Variants in SCIMP observed in about 807,000 individuals in gnomAD.
SCIMP encodes SLP adaptor and CSK interacting membrane protein.
Under a neutral mutation model 22.0 loss-of-function variants are expected in SCIMP, and 18 were observed. The observed-to-expected ratio is 0.82, with a 90% CI of 0.56 to 1.21. The LOEUF (loss-of-function observed/expected upper bound fraction) is 1.21, where lower values mean the gene tolerates loss of function less well. Among genes scored for constraint, SCIMP ranks in the 50% most tolerant of loss-of-function variants. The pLI is 0.00. For synonymous variants in SCIMP, 53 were observed against 62.2 expected (o/e 0.85, Z 0.70); for missense variants, 155 against 171.2 (o/e 0.91, Z 0.53).
At chr17:5,213,029 G>GGTGGTAACTTCTGAT in intron 4 of SCIMP, 3 of 306,454 alleles carry the variant, frequency 9.8e-6, no homozygotes, top group Non-Finnish European at 1.2e-5. Flanking sequence ...TAACTTCTGA[G>GGTGGTAACTTCTGAT]CTGACATCTG....
At chr17:5,211,986 T>G (rs2144301284) in intron 4 of SCIMP, among the ~76,000 whole-genome samples, 1 of 151,768 alleles carries the variant, frequency 6.6e-6, no homozygotes, top group Non-Finnish European at 1.5e-5. Context: ...TGGCAGAGGT[T>G]GCAGTGAGCC....
chr17:5,214,583 A>G (rs7503142), intron 4 of SCIMP: 195,606 of 196,370 alleles, frequency 1, 97,422 homozygotes, highest in East Asian at 1. Context: ...GCTCACGCTT[A>G]TAATCCCAGC....
chr17:5,213,259 CTTTT>C (rs11409123), intron 4 of SCIMP: 69 of 883,448 alleles, frequency 7.8e-5, no homozygotes, highest in South Asian at 1.0e-4. Flanking sequence ...TTTTCCATCC[CTTTT>C]TTTTTTTTTT....
intron 1 of SCIMP, among the ~76,000 whole-genome samples, chr17:5,230,195 A>G (rs1204450526): frequency 2.0e-5 from 3 of 152,184 alleles, no homozygotes; most frequent in Non-Finnish European, 2.9e-5. Context: ...GTCTCCTTGC[A>G]GGCTTCTGAA....
intron 1 of SCIMP, among the ~76,000 whole-genome samples, chr17:5,230,687 G>A (rs142154038): frequency 0.028 from 4,296 of 151,376 alleles, 201 homozygotes; most frequent in African/African-American, 0.096. Flanking sequence ...TTGGGAGGCC[G>A]AGGCTGGAGG....
In SCIMP at chr17:5,214,936, A is replaced by G; in HGVS notation, c.272T>C (p.Leu91Pro). The change falls in exon 4 of 5, where the codon CTA becomes CCA. Residue 91 changes from leucine (L) to proline (P), a missense_variant. Leu to Pro is a moderately conservative substitution (Grantham distance 98). Coordinates refer to ENST00000574081, the MANE Select transcript of SCIMP (RefSeq NM_207103.3). ...PPLPPRNWPS[L>P]EDSSPQEAPS... ...TAAAATATACTTACAAGAGTCTTCT[A>G]GAGAAGGCCAATTCCTCGGTGGCAG... 2 of 1,598,176 alleles carry G rather than the reference A, an allele frequency of 1.3e-6. No homozygotes were observed. The highest frequency in any genetic ancestry group is 1.7e-6 in the Non-Finnish European group (2 of 1,165,872).
intron 4 of SCIMP, among the ~76,000 whole-genome samples, chr17:5,211,701 A>G (rs1280043539): frequency 2.0e-5 from 3 of 152,164 alleles, no homozygotes; most frequent in Admixed American, 6.6e-5. Flanking sequence ...TTGCTTATGT[A>G]CAAATCTCTC....
chr17:5,229,889 A>G (rs1368616832), intron 1 of SCIMP, among the ~76,000 whole-genome samples: 1 of 80,292 alleles, frequency 1.2e-5, no homozygotes, highest in Admixed American at 1.8e-4. Context: ...TCTCCTCTCC[A>G]CTCCTCTCCT....
chr17:5,223,843 C>T (rs1282710847), intron 1 of SCIMP, among the ~76,000 whole-genome samples: 3 of 152,186 alleles, frequency 2.0e-5, no homozygotes. Context: ...AGCCACCGTG[C>T]CCAGCTAATC....
chr17:5,229,220 G>T (rs943546403), intron 1 of SCIMP, among the ~76,000 whole-genome samples: 1 of 152,020 alleles, frequency 6.6e-6, no homozygotes, highest in African/African-American at 2.4e-5. Flanking sequence ...GAAAGGATTT[G>T]GCAAGACCTT....
In SCIMP at chr17:5,220,606, T is replaced by C. The variant is rs113812679; in HGVS notation, c.209+681A>G. The stretch of plus-strand genomic sequence containing the variant: ...ACAAAATACAAAAAGTAGCTGGGTA[T>C]GCTGGCGTGTGCCTGTAATCTCAGC... On this transcript the variant is annotated intron_variant, in intron 3 of 4. Transcript: ENST00000574081. Among the ~76,000 whole-genome samples, 601 of 151,570 alleles carry C rather than the reference T, an allele frequency of 4.0e-3. 6 individuals are homozygous for C. The highest frequency in any genetic ancestry group is 6.5e-3 in the Non-Finnish European group (443 of 67,938).
intron 1 of SCIMP, among the ~76,000 whole-genome samples, chr17:5,230,084 C>T (rs181235102): frequency 6.2e-4 from 95 of 152,178 alleles, no homozygotes; most frequent in Admixed American, 3.1e-3. Context: ...GCCCCAGCCT[C>T]CCAAAGTACC....
chr17:5,217,245 G>T (rs539933269), intron 3 of SCIMP, among the ~76,000 whole-genome samples: 1 of 152,242 alleles, frequency 6.6e-6, no homozygotes, highest in South Asian at 2.1e-4. Flanking sequence ...GGTCTACTCG[G>T]TGGGGGAGAC....
intron 3 of SCIMP, among the ~76,000 whole-genome samples, chr17:5,217,569 C>G (rs1346378608): frequency 2.3e-5 from 3 of 127,670 alleles, no homozygotes; most frequent in East Asian, 2.9e-4. Context: ...CCCCTCCCCC[C>G]ACCCCACAAC....
At chr17:5,231,423 G>A (rs2074693223) in intron 1 of SCIMP, among the ~76,000 whole-genome samples, 1 of 151,928 alleles carries the variant, frequency 6.6e-6, no homozygotes. Context: ...CTCTTATCCA[G>A]TTCAAGCCAC....
chr17:5,232,586 C>T (rs781541203), intron 1 of SCIMP, among the ~76,000 whole-genome samples: 4 of 152,036 alleles, frequency 2.6e-5, no homozygotes, highest in Non-Finnish European at 5.9e-5. Context: ...GTCTAGATCT[C>T]GAGGGTCTGA....
chr17:5,226,608 C>A (rs1225697384), intron 1 of SCIMP, among the ~76,000 whole-genome samples: 1 of 150,794 alleles, frequency 6.6e-6, no homozygotes, highest in African/African-American at 2.4e-5. Flanking sequence ...CCAGTTCAAG[C>A]GATTCTTCTG....
At chr17:5,226,156 G>C (rs1390271448) in intron 1 of SCIMP, among the ~76,000 whole-genome samples, 1 of 152,180 alleles carries the variant, frequency 6.6e-6, no homozygotes, top group Non-Finnish European at 1.5e-5. Flanking sequence ...GTTGTATCTG[G>C]ATTGTGACTG....
At chr17:5,230,307 G>A (rs2074684346) in intron 1 of SCIMP, among the ~76,000 whole-genome samples, 1 of 152,224 alleles carries the variant, frequency 6.6e-6, no homozygotes, top group Admixed American at 6.5e-5. Context: ...ATTTACAATA[G>A]CAAGTGTCTT....
Sources: allele counts gnomAD v4.1 joint callset (sites outside exome capture counted in the v4.1 genomes callset), GRCh38; gene constraint gnomAD v4.1.1; transcripts MANE v1.5; gene names NCBI Gene and HGNC (gene_info 2026-07-23, HGNC 2026-07-21).